TTBK2: variants seen among roughly 807,000 people sequenced by gnomAD.
TTBK2 encodes tau-tubulin kinase 2.
TTBK2 carries 28 observed loss-of-function variants against 110.8 expected under a neutral mutation model. The ratio of observed to expected loss-of-function variants is 0.25; its 90% CI spans 0.19 to 0.35. The LOEUF is 0.35. Among genes scored for constraint, TTBK2 ranks in the 10% least tolerant of loss-of-function variants. The pLI, the probability that TTBK2 is intolerant of heterozygous loss-of-function variation, is 1.00. For missense variants in TTBK2, 1,369 were observed against 1,500.3 expected (o/e 0.91, Z 1.45); for synonymous variants, 532 against 527.3 (o/e 1.01, Z -0.12).
At chr15:42,747,013 G>A (rs943369037) in intron 14 of TTBK2, among the ~76,000 whole-genome samples, 10 of 148,846 alleles carry the variant, frequency 6.7e-5, no homozygotes, top group African/African-American at 2.5e-4. Flanking sequence ...CACTCAGGCT[G>A]AAGTGCAGTG....
chr15:42,803,652 C>T (rs1567033775), intron 9 of TTBK2, among the ~76,000 whole-genome samples: 2 of 152,132 alleles, frequency 1.3e-5, no homozygotes, highest in South Asian at 2.1e-4. Flanking sequence ...ACAACATTTT[C>T]TTATTGCTGT....
Position 42,872,364 on chromosome 15 carries a change from C to G in TTBK2, c.217+247G>C, listed in dbSNP as rs150525431. Among the ~76,000 whole-genome samples, 91 of 152,254 alleles carry G rather than the reference C, an allele frequency of 6.0e-4. 1 individual carries two copies. Among genetic ancestry groups the G allele is most frequent in the Middle Eastern group, 3.4e-3 (1 of 294 alleles). ...CGAAGCAGTAAAAATTCTGCTAATTCACACTCTCTTATCCTTACTCCATGA... is the reference window on the plus strand; with the variant it reads ...CGAAGCAGTAAAAATTCTGCTAATTGACACTCTCTTATCCTTACTCCATGA... On this transcript the variant is annotated intron_variant, in intron 3 of 14. Coordinates refer to ENST00000267890, the MANE Select transcript of TTBK2 (RefSeq NM_173500.4).
At chr15:42,880,433 T>C (rs536689793) in intron 1 of TTBK2, among the ~76,000 whole-genome samples, 27 of 152,302 alleles carry the variant, frequency 1.8e-4, no homozygotes, top group African/African-American at 6.5e-4. Context: ...GTCACCCAGG[T>C]TGGAGTGCAG....
At chr15:42,833,972 T>C (rs1011493239) in intron 4 of TTBK2, among the ~76,000 whole-genome samples, 3 of 151,848 alleles carry the variant, frequency 2.0e-5, no homozygotes, top group Admixed American at 6.6e-5. Flanking sequence ...GATCACGCCA[T>C]TGCACTGCAG....
At chr15:42,859,826 T>C (rs1030954961) in intron 3 of TTBK2, among the ~76,000 whole-genome samples, 44 of 152,102 alleles carry the variant, frequency 2.9e-4, no homozygotes, top group Admixed American at 2.4e-3. Flanking sequence ...AGGGCTCTAA[T>C]GGATAAGGTA....
At chr15:42,797,061 A>T (rs1890976406) in intron 9 of TTBK2, among the ~76,000 whole-genome samples, 1 of 152,226 alleles carries the variant, frequency 6.6e-6, no homozygotes, top group African/African-American at 2.4e-5. Context: ...ATAAAGATGG[A>T]CTGGAACCTA....
intron 9 of TTBK2, among the ~76,000 whole-genome samples, chr15:42,800,775 A>G (rs1891153027): frequency 6.6e-6 from 1 of 150,812 alleles, no homozygotes; most frequent in East Asian, 1.9e-4. Flanking sequence ...AAAAAAAAAA[A>G]GCAATTGAAT....
chr15:42,764,234 GTTC>G (rs1889245673), intron 13 of TTBK2, among the ~76,000 whole-genome samples: 1 of 152,190 alleles, frequency 6.6e-6, no homozygotes, highest in Non-Finnish European at 1.5e-5. Context: ...GAGGTACCTG[GTTC>G]ATCTCACTGG....
intron 13 of TTBK2, among the ~76,000 whole-genome samples, chr15:42,771,776 A>G (rs1328341681): frequency 2.0e-5 from 3 of 152,144 alleles, no homozygotes; most frequent in African/African-American, 7.2e-5. Context: ...GCCAATTAGG[A>G]AAGTCTTTCA....
intron 11 of TTBK2, among the ~76,000 whole-genome samples, chr15:42,778,971 A>T (rs1319478541): frequency 6.6e-6 from 1 of 152,234 alleles, no homozygotes; most frequent in Non-Finnish European, 1.5e-5. Flanking sequence ...AACACCACAG[A>T]CAAGAACAAG....
intron 9 of TTBK2, chr15:42,801,820 T>C (rs1381167774): frequency 1.2e-6 from 1 of 858,074 alleles, no homozygotes; most frequent in East Asian, 2.4e-5. Flanking sequence ...ATCTACATAC[T>C]CCTTGATGAG....
chr15:42,909,527 T>C (rs914576441), intron 1 of TTBK2, among the ~76,000 whole-genome samples: 5 of 152,214 alleles, frequency 3.3e-5, no homozygotes, highest in African/African-American at 1.2e-4. Context: ...TAATCATATA[T>C]GCAAAGTCTC....
intron 1 of TTBK2, among the ~76,000 whole-genome samples, chr15:42,905,156 G>A (rs2030308229): frequency 6.6e-6 from 1 of 152,124 alleles, no homozygotes; most frequent in African/African-American, 2.4e-5. Context: ...TTACAGGCCT[G>A]TGCCACCACA....
At chr15:42,868,991 G>A (rs1894501007) in intron 3 of TTBK2, among the ~76,000 whole-genome samples, 1 of 151,964 alleles carries the variant, frequency 6.6e-6, no homozygotes, top group Non-Finnish European at 1.5e-5. Flanking sequence ...AAGTACTGAT[G>A]GTTCCTGAGG....
intron 5 of TTBK2, among the ~76,000 whole-genome samples, chr15:42,829,612 G>A (rs910918580): frequency 6.6e-6 from 1 of 152,052 alleles, no homozygotes; most frequent in Non-Finnish European, 1.5e-5. Flanking sequence ...ATAGCTCACT[G>A]TACTCTCCCT....
intron 3 of TTBK2, among the ~76,000 whole-genome samples, chr15:42,861,946 T>C (rs935291628): frequency 1.3e-5 from 2 of 152,154 alleles, no homozygotes; most frequent in African/African-American, 4.8e-5. Context: ...CCTCCGAAGT[T>C]ATTATGAACA....
At chr15:42,910,674 T>C (rs554378024) in intron 1 of TTBK2, among the ~76,000 whole-genome samples, 61 of 152,208 alleles carry the variant, frequency 4.0e-4, no homozygotes, top group Non-Finnish European at 7.9e-4. Flanking sequence ...CAAAAAATAA[T>C]TATTTCCAAA....
rs1324661958 is a variant in TTBK2, at chr15:42,827,928, T to C, written c.537A>G (p.Pro179=). ...QFTNSCGDVR[P]PRAVAGFRGT... ...TTGATAATAATATGAAAAATCTTAC[T>C]GGTCTGACGTCACCACAGGAATTGG... The change falls in exon 6 of 15, where the codon CCA becomes CCG. Residue 179 remains proline (P), a splice_region_variant and synonymous_variant. Coordinates refer to ENST00000267890, the MANE Select transcript of TTBK2 (RefSeq NM_173500.4). 1.9e-6 allele frequency: 3 copies of C among 1,611,544 alleles called. No individual in the cohort carries two copies. The highest frequency in any genetic ancestry group is 2.5e-6 in the Non-Finnish European group (3 of 1,178,208).
At chr15:42,841,784 C>T (rs1436577917) in intron 3 of TTBK2, among the ~76,000 whole-genome samples, 1 of 151,942 alleles carries the variant, frequency 6.6e-6, no homozygotes, top group Non-Finnish European at 1.5e-5. Context: ...TAGTTTTTTA[C>T]TAGAATTGGC....
Sources: gnomAD v4.1 joint callset for allele counts (sites outside exome capture counted in the v4.1 genomes callset) on GRCh38, gnomAD v4.1.1 for gene constraint, MANE v1.5 for transcripts, NCBI Gene and HGNC (gene_info 2026-07-23, HGNC 2026-07-21) for gene names.